The following UPRT variants were observed in gnomAD, a reference collection of about 807,000 sequenced individuals.
UPRT encodes RP11-311P8.3.
Under a neutral mutation model 22.6 loss-of-function variants are expected in UPRT, and 5 were observed. That is an observed-to-expected ratio of 0.22 (90% CI 0.12 to 0.47). UPRT has a LOEUF of 0.47. Ranked by LOEUF, UPRT falls within the 20% of genes least tolerant of loss-of-function variation. The pLI, the probability that UPRT is intolerant of heterozygous loss-of-function variation, is 0.99. For synonymous variants in UPRT, 77 were observed against 87.7 expected (o/e 0.88, Z 0.68); for missense variants, 181 against 239.9 (o/e 0.75, Z 1.62).
At chrX:75,203,188 A>C (rs2082352128) in intron 4 of UPRT, among the ~76,000 whole-genome samples, 1 of 111,649 alleles carries the variant, frequency 9.0e-6, no homozygotes, top group African/African-American at 3.3e-5. Context: ...CAAAGATCAA[A>C]AAAGACAAAG....
At chrX:75,201,818 C>T (rs1461485176) in intron 4 of UPRT, 1 of 114,295 alleles carries the variant, frequency 8.7e-6, no homozygotes, top group Admixed American at 9.3e-5. Context: ...CCCTCTCCAC[C>T]CTGGACTCTG....
intron 4 of UPRT, among the ~76,000 whole-genome samples, chrX:75,247,108 A>G (rs2082509373): frequency 9.0e-6 from 1 of 111,502 alleles, no homozygotes; most frequent in South Asian, 3.8e-4. Flanking sequence ...TAAAAATCAG[A>G]ATGGCTGGGT....
upstream of UPRT, among the ~76,000 whole-genome samples, chrX:75,272,301 T>TATATATACAC (rs2082611206): frequency 6.3e-5 from 1 of 15,990 alleles, no homozygotes; most frequent in African/African-American, 7.2e-5. Context: ...TATATATGTG[T>TATATATACAC]ATATATATGT....
intron 4 of UPRT, among the ~76,000 whole-genome samples, chrX:75,184,855 T>C (rs2082284162): frequency 1.8e-5 from 2 of 111,829 alleles, no homozygotes; most frequent in Admixed American, 1.9e-4. Flanking sequence ...GCTTGTGATT[T>C]TTGTACATTG....
intron 4 of UPRT, among the ~76,000 whole-genome samples, chrX:75,191,073 CT>C (rs2082313210): frequency 8.9e-6 from 1 of 111,789 alleles, no homozygotes; most frequent in African/African-American, 3.3e-5. Flanking sequence ...GAATTTTCAG[CT>C]TTTCTGCTCT....
At chrX:75,247,337 A>C (rs185060617) in intron 4 of UPRT, among the ~76,000 whole-genome samples, 1,241 of 111,494 alleles carry the variant, frequency 0.011, 20 homozygotes, top group African/African-American at 0.039. Flanking sequence ...TAGTCAAAAA[A>C]AAGGGGTGAC....
At chrX:75,217,699 A>G (rs1422892217) in intron 4 of UPRT, among the ~76,000 whole-genome samples, 1 of 111,990 alleles carries the variant, frequency 8.9e-6, no homozygotes, top group East Asian at 2.8e-4. Context: ...ATATAGATCA[A>G]TGGAACAGAA....
intron 4 of UPRT, among the ~76,000 whole-genome samples, chrX:75,215,294 G>A (rs1315329943): frequency 1.2e-5 from 1 of 80,523 alleles, no homozygotes; most frequent in Non-Finnish European, 2.5e-5. Context: ...ATAATCTTAA[G>A]CTTACACCTT....
intron 4 of UPRT, among the ~76,000 whole-genome samples, chrX:75,253,777 A>T (rs955026915): frequency 2.7e-5 from 3 of 112,093 alleles, no homozygotes; most frequent in African/African-American, 9.7e-5. Context: ...AAGGGAGATT[A>T]TTCATCCCCA....
chrX:75,244,598 G>A (rs982317337), intron 4 of UPRT, among the ~76,000 whole-genome samples: 2 of 111,123 alleles, frequency 1.8e-5, no homozygotes, highest in Non-Finnish European at 3.8e-5. Context: ...GAACAGAATA[G>A]AGAGCCCAGA....
At chrX:75,171,185 C>T (rs777405359) in intron 4 of UPRT, among the ~76,000 whole-genome samples, 4 of 111,435 alleles carry the variant, frequency 3.6e-5, no homozygotes, top group Non-Finnish European at 7.5e-5. Context: ...TTTTAGATTT[C>T]TCTTCTTCCT....
intron 4 of UPRT, among the ~76,000 whole-genome samples, chrX:75,248,317 A>T (rs2082514582): frequency 8.9e-6 from 1 of 111,767 alleles, no homozygotes; most frequent in Non-Finnish European, 1.9e-5. Flanking sequence ...TTGAAAAAAA[A>T]TTAGACGAAT....
chrX:75,272,321 C>CACAT (rs1569279452), upstream of UPRT, among the ~76,000 whole-genome samples: 4 of 19,056 alleles, frequency 2.1e-4, no homozygotes, highest in South Asian at 7.0e-3. Flanking sequence ...TGTATATATA[C>CACAT]ATATATATGT....
chrX:75,218,200 A>G (rs1226059238), intron 4 of UPRT, among the ~76,000 whole-genome samples: 1 of 100,176 alleles, frequency 1.0e-5, no homozygotes. Flanking sequence ...AGAAAAAAAC[A>G]AACAACCCCA....
chrX:75,251,813 A>G (rs986694506), intron 4 of UPRT, among the ~76,000 whole-genome samples: 8 of 111,481 alleles, frequency 7.2e-5, no homozygotes, highest in African/African-American at 2.6e-4. Flanking sequence ...TTCAAACTAT[A>G]CTACAAGGCT....
chrX:75,274,870 C>T (rs778286839), intron 1 of UPRT: 37 of 385,523 alleles, frequency 9.6e-5, no homozygotes, highest in Non-Finnish European at 1.6e-4. Context: ...TCTAACATCA[C>T]TTTGGGTGGG....
At chrX:75,180,030 G>A (rs867377138) in intron 4 of UPRT, among the ~76,000 whole-genome samples, 4 of 112,749 alleles carry the variant, frequency 3.5e-5, no homozygotes, top group Non-Finnish European at 3.8e-5. Context: ...GGCAGAGGAG[G>A]TGCCAAGAGT....
intron 4 of UPRT, among the ~76,000 whole-genome samples, chrX:75,208,866 C>T (rs944974011): frequency 1.8e-5 from 2 of 111,406 alleles, no homozygotes; most frequent in Non-Finnish European, 3.8e-5. Context: ...TAGAAACATT[C>T]CAAACTTCAG....
At chrX:75,248,650 G>C (rs1162617896) in intron 4 of UPRT, among the ~76,000 whole-genome samples, 3 of 111,937 alleles carry the variant, frequency 2.7e-5, no homozygotes, top group African/African-American at 9.8e-5. Context: ...ATATTCTCCA[G>C]GAGAACTTCC....
Sources: allele counts gnomAD v4.1 joint callset (sites outside exome capture counted in the v4.1 genomes callset), GRCh38; gene constraint gnomAD v4.1.1; transcripts MANE v1.5; gene names NCBI Gene and HGNC (gene_info 2026-07-23, HGNC 2026-07-21).